The following PLPPR1 variants were observed in gnomAD, a reference collection of about 807,000 sequenced individuals.
PLPPR1 encodes the protein phospholipid phosphatase-related protein type 1.
PLPPR1 carries 10 observed loss-of-function variants against 33.1 expected under a neutral mutation model. The observed-to-expected ratio is 0.30, with a 90% CI of 0.19 to 0.51. PLPPR1 has a LOEUF of 0.51. Ranked by LOEUF, PLPPR1 falls within the 20% of genes least tolerant of loss-of-function variation. PLPPR1 has a pLI of 0.97. For synonymous variants in PLPPR1, 151 were observed against 151.0 expected (o/e 1.00, Z 0.00); for missense variants, 304 against 408.1 (o/e 0.74, Z 2.20).
At chr9:101,210,989 G>C (rs950858834) in intron 2 of PLPPR1, among the ~76,000 whole-genome samples, 4 of 152,076 alleles carry the variant, frequency 2.6e-5, no homozygotes, top group African/African-American at 7.2e-5. Context: ...GGATGGTCTC[G>C]ATCTCCTGAC....
intron 2 of PLPPR1, among the ~76,000 whole-genome samples, chr9:101,229,725 A>G (rs1015779325): frequency 6.6e-6 from 1 of 152,292 alleles, no homozygotes; most frequent in East Asian, 1.9e-4. Context: ...AAAATTCAGC[A>G]GCAAAACTGA....
At position 101,311,463 on chromosome 9, in the gene PLPPR1, A is replaced by G. The variant is rs188807370; in HGVS notation, c.637-1335A>G. ...AAGAATACCAACTAACCATAGGCTC[A>G]TGCTTTTAATAGTTTTTAATCTTTC... On this transcript the variant is annotated intron_variant, in intron 5 of 7. Coordinates refer to ENST00000374874, the MANE Select transcript of PLPPR1 (RefSeq NM_207299.2). Among the ~76,000 whole-genome samples the G allele has an allele frequency of 2.5e-4, 38 of 152,344 alleles. No homozygotes were observed. The East Asian group carries it at 7.1e-3, about 29-fold the overall frequency.
chr9:101,321,021 A>G (rs1829140597), intron 7 of PLPPR1, among the ~76,000 whole-genome samples: 1 of 152,152 alleles, frequency 6.6e-6, no homozygotes. Flanking sequence ...CCTGAGCTAC[A>G]GTTTTTCCAA....
At chr9:101,318,145 A>G (rs1438034246) in intron 7 of PLPPR1, among the ~76,000 whole-genome samples, 1 of 152,192 alleles carries the variant, frequency 6.6e-6, no homozygotes, top group African/African-American at 2.4e-5. Context: ...AACCTGGGCA[A>G]TGTAACAAGT....
In PLPPR1 at chr9:101,321,185, A is replaced by T. The variant is rs185109354; in HGVS notation, c.946-2840A>T. ...AGATTAGAACCTCTCTTCAGAGCAC[A>T]CATTCGTACACATGAAATCCATCCC... On this transcript the variant is annotated intron_variant, in intron 7 of 7. Coordinates refer to ENST00000374874, the MANE Select transcript of PLPPR1 (RefSeq NM_207299.2). Among the ~76,000 whole-genome samples the T allele has an allele frequency of 3.9e-5, 6 of 152,318 alleles. No homozygotes were observed. The East Asian group carries it at 5.8e-4, about 15-fold the overall frequency.
chr9:101,082,317 T>A (rs1452755613), intron 1 of PLPPR1, among the ~76,000 whole-genome samples: 3 of 152,190 alleles, frequency 2.0e-5, no homozygotes, highest in African/African-American at 7.2e-5. Flanking sequence ...GTTACAACAT[T>A]AGCTTACCTA....
intron 1 of PLPPR1, among the ~76,000 whole-genome samples, chr9:101,094,353 T>C (rs900367646): frequency 2.6e-5 from 4 of 152,190 alleles, no homozygotes; most frequent in African/African-American, 9.6e-5. Context: ...TTGCAGTTGC[T>C]AGTGTTCTTT....
chr9:101,246,971 C>T (rs191212962), intron 2 of PLPPR1, among the ~76,000 whole-genome samples: 2 of 152,032 alleles, frequency 1.3e-5, no homozygotes, highest in East Asian at 3.9e-4. Context: ...GTTATGAACT[C>T]TCAAATGCTT....
intron 1 of PLPPR1, among the ~76,000 whole-genome samples, chr9:101,072,048 G>A (rs1427978887): frequency 6.6e-6 from 1 of 152,136 alleles, no homozygotes; most frequent in Non-Finnish European, 1.5e-5. Flanking sequence ...CATGATTTCA[G>A]TATGGACAAT....
chr9:101,269,829 G>A (rs763184095), intron 2 of PLPPR1, 51 bp from the exon 3 acceptor site: 1 of 1,578,104 alleles, frequency 6.3e-7, no homozygotes, highest in Non-Finnish European at 8.7e-7. Context: ...AGGGGCAAGG[G>A]CTGCTCCGAA....
At chr9:101,297,261 C>T (rs375344897) in intron 4 of PLPPR1, among the ~76,000 whole-genome samples, 18 of 152,178 alleles carry the variant, frequency 1.2e-4, no homozygotes, top group African/African-American at 3.4e-4. Flanking sequence ...CTATCCAGAA[C>T]GATGGCCAAG....
chr9:101,141,794 C>A (rs147743252), intron 1 of PLPPR1, among the ~76,000 whole-genome samples: 3 of 152,082 alleles, frequency 2.0e-5, no homozygotes, highest in African/African-American at 7.2e-5. Context: ...CCTGAACCTC[C>A]GTCACTGACA....
intron 1 of PLPPR1, among the ~76,000 whole-genome samples, chr9:101,109,265 C>T (rs966833803): frequency 1.2e-4 from 18 of 151,492 alleles, no homozygotes; most frequent in Admixed American, 3.3e-4. Flanking sequence ...TGAGCCACCG[C>T]GCCCGACTGG....
intron 1 of PLPPR1, among the ~76,000 whole-genome samples, chr9:101,148,260 C>G (rs915567195): frequency 7.9e-5 from 12 of 152,150 alleles, no homozygotes; most frequent in Non-Finnish European, 1.8e-4. Flanking sequence ...ACTCTGCCCT[C>G]TTTTAAAGGA....
intron 1 of PLPPR1, among the ~76,000 whole-genome samples, chr9:101,108,001 T>C (rs1830998511): frequency 6.7e-6 from 1 of 149,374 alleles, no homozygotes; most frequent in Non-Finnish European, 1.5e-5. Flanking sequence ...CTCGCCCTGC[T>C]TCGGCTCGCG....
intron 7 of PLPPR1, among the ~76,000 whole-genome samples, chr9:101,318,730 C>T (rs1385550746): frequency 4.6e-5 from 7 of 151,868 alleles, no homozygotes; most frequent in African/African-American, 9.7e-5. Context: ...GCTGTGATCG[C>T]GCCACTGCAC....
At position 101,152,353 on chromosome 9, in the gene PLPPR1, G is replaced by C. The variant is rs1255965611; in HGVS notation, c.-45-33097G>C. 7.9e-5 allele frequency among the ~76,000 whole-genome samples: 12 copies of C among 152,274 alleles called. No homozygotes were observed. In the South Asian group the frequency reaches 2.1e-3, roughly 26 times the overall value. The stretch of plus-strand genomic sequence containing the variant: ...TTTTCTCCCATTCTGTAGATTGCCT[G>C]TTCACTCTGATGATAGTTTATTTTG... On this transcript the variant is annotated intron_variant, in intron 1 of 7. Coordinates refer to ENST00000374874, the MANE Select transcript of PLPPR1 (RefSeq NM_207299.2).
chr9:101,119,339 C>CT (rs1831149767), intron 1 of PLPPR1, among the ~76,000 whole-genome samples: 2 of 152,186 alleles, frequency 1.3e-5, no homozygotes, highest in South Asian at 4.1e-4. Flanking sequence ...GGAGATGCTT[C>CT]AAGAGTAAGC....
chr9:101,144,533 A>T (rs1831498023), intron 1 of PLPPR1, among the ~76,000 whole-genome samples: 1 of 152,170 alleles, frequency 6.6e-6, no homozygotes, highest in Non-Finnish European at 1.5e-5. Context: ...CCATGTGAAG[A>T]CACAGTGAGA....
Sources: gnomAD v4.1 joint callset for allele counts (sites outside exome capture counted in the v4.1 genomes callset) on GRCh38, gnomAD v4.1.1 for gene constraint, MANE v1.5 for transcripts, NCBI Gene and HGNC (gene_info 2026-07-23, HGNC 2026-07-21) for gene names.